The following CPQ variants were observed in gnomAD, a reference collection of about 807,000 sequenced individuals.
CPQ encodes the protein Ser-Met dipeptidase.
Under a neutral mutation model 45.7 loss-of-function variants are expected in CPQ, and 37 were observed. The observed-to-expected ratio is 0.81, with a 90% CI of 0.62 to 1.07. CPQ has a LOEUF of 1.07. Ranked by LOEUF, CPQ falls within the 50% of genes least tolerant of loss-of-function variation. The pLI is 0.00. For synonymous variants in CPQ, 186 were observed against 205.8 expected (o/e 0.90, Z 0.82); for missense variants, 537 against 572.9 (o/e 0.94, Z 0.64).
chr8:96,852,093 A>G (rs903201111), intron 3 of CPQ, among the ~76,000 whole-genome samples: 3 of 152,176 alleles, frequency 2.0e-5, no homozygotes, highest in African/African-American at 7.2e-5. Flanking sequence ...TTTTGCCCAT[A>G]TTGGCAGCTT....
chr8:96,741,532 G>A (rs1451296116), intron 1 of CPQ, among the ~76,000 whole-genome samples: 2 of 152,034 alleles, frequency 1.3e-5, no homozygotes, highest in Non-Finnish European at 2.9e-5. Context: ...GAATGTGTTT[G>A]TTGTTGCTTT....
intron 3 of CPQ, among the ~76,000 whole-genome samples, chr8:96,865,262 T>A (rs897264368): frequency 3.3e-5 from 5 of 152,026 alleles, no homozygotes; most frequent in African/African-American, 1.2e-4. Flanking sequence ...CAGAGCTCTA[T>A]CCAGTTTGAA....
intron 1 of CPQ, among the ~76,000 whole-genome samples, chr8:96,776,393 T>C (rs1484655144): frequency 6.6e-6 from 1 of 152,184 alleles, no homozygotes; most frequent in Non-Finnish European, 1.5e-5. Context: ...TAAGTTTTCA[T>C]GTAAGTAGTA....
chr8:97,132,570 C>T (rs567016347), intron 7 of CPQ, among the ~76,000 whole-genome samples: 57 of 152,266 alleles, frequency 3.7e-4, no homozygotes, highest in African/African-American at 1.2e-3. Context: ...TTGTAACCTC[C>T]TTGTGTTTGT....
chr8:96,762,424 A>G (rs1336263417), intron 1 of CPQ, among the ~76,000 whole-genome samples: 1 of 152,194 alleles, frequency 6.6e-6, no homozygotes, highest in African/African-American at 2.4e-5. Flanking sequence ...AAGAAAGCAT[A>G]TATCATATTA....
At chr8:96,913,663 C>G (rs1255095988) in intron 4 of CPQ, among the ~76,000 whole-genome samples, 1 of 152,188 alleles carries the variant, frequency 6.6e-6, no homozygotes, top group Non-Finnish European at 1.5e-5. Context: ...TCCCATCTCT[C>G]AGAAAAATTG....
At chr8:96,854,557 A>AAACAAAAAAAAAAACAC (rs1554573253) in intron 3 of CPQ, among the ~76,000 whole-genome samples, 1 of 76,866 alleles carries the variant, frequency 1.3e-5, no homozygotes, top group African/African-American at 5.0e-5. Context: ...AAAAAAAAAA[A>AAACAAAAAAAAAAACAC]AATGTGGTGG....
Position 96,894,549 on chromosome 8 carries a change from G to T in CPQ, c.849+14544G>T, listed in dbSNP as rs1812419415. Among the ~76,000 whole-genome samples, 3 of 152,232 alleles carry T rather than the reference G, an allele frequency of 2.0e-5. No individual in the cohort carries two copies. In the South Asian group the frequency reaches 6.2e-4, roughly 32 times the overall value. On this transcript the variant is annotated intron_variant, in intron 4 of 7. Transcript: ENST00000220763. The stretch of plus-strand genomic sequence containing the variant: ...TATGAAACTGCACAGTACAGCACAA[G>T]ATAAAAATCACACCAAGAAATGTAA...
At chr8:96,973,774 C>T (rs1195690395) in intron 5 of CPQ, among the ~76,000 whole-genome samples, 1 of 152,156 alleles carries the variant, frequency 6.6e-6, no homozygotes, top group East Asian at 1.9e-4. Context: ...CAAAACTAAG[C>T]TTCATAAATG....
At chr8:96,707,691 G>GA (rs1809551712) in intron 1 of CPQ, among the ~76,000 whole-genome samples, 1 of 143,928 alleles carries the variant, frequency 6.9e-6, no homozygotes, top group African/African-American at 2.9e-5. Context: ...ATGAATGAAT[G>GA]ATTTTTTTTT....
chr8:96,711,084 C>T (rs1809602603), intron 1 of CPQ, among the ~76,000 whole-genome samples: 1 of 151,696 alleles, frequency 6.6e-6, no homozygotes, highest in Non-Finnish European at 1.5e-5. Flanking sequence ...CTTTTTTGCC[C>T]CCCCTTTTTT....
chr8:96,955,880 G>A (rs1212609091), intron 4 of CPQ, among the ~76,000 whole-genome samples: 1 of 152,092 alleles, frequency 6.6e-6, no homozygotes, highest in Non-Finnish European at 1.5e-5. Context: ...AATTCAAGAT[G>A]GATGAAAGAC....
At chr8:96,827,984 G>T (rs569467136) in intron 2 of CPQ, among the ~76,000 whole-genome samples, 4 of 152,162 alleles carry the variant, frequency 2.6e-5, no homozygotes, top group Admixed American at 1.3e-4. Context: ...AGTTTTGAAT[G>T]ATCTGATGAC....
chr8:96,783,530 T>C (rs1456775265), intron 1 of CPQ, among the ~76,000 whole-genome samples: 2 of 152,188 alleles, frequency 1.3e-5, no homozygotes, highest in Non-Finnish European at 2.9e-5. Context: ...GGAGCCCTCA[T>C]GTCCTGAATA....
At chr8:97,109,246 TTCCCACA>T (rs1254128204) in intron 7 of CPQ, among the ~76,000 whole-genome samples, 4 of 152,286 alleles carry the variant, frequency 2.6e-5, no homozygotes, top group South Asian at 4.1e-4. Flanking sequence ...CTCTGCTAGT[TTCCCACA>T]TTGGCAATGA....
chr8:97,063,542 G>T (rs746307187), intron 6 of CPQ, among the ~76,000 whole-genome samples: 1 of 152,068 alleles, frequency 6.6e-6, no homozygotes, highest in Non-Finnish European at 1.5e-5. Context: ...TGAAAACTTT[G>T]CTAGTTCCTA....
At chr8:96,952,841 A>C (rs910615106) in intron 4 of CPQ, among the ~76,000 whole-genome samples, 4 of 152,174 alleles carry the variant, frequency 2.6e-5, no homozygotes, top group African/African-American at 9.6e-5. Flanking sequence ...TAGAAATAAC[A>C]GTCCATCATG....
intron 4 of CPQ, among the ~76,000 whole-genome samples, chr8:96,912,801 T>C (rs1586448936): frequency 6.6e-6 from 1 of 152,192 alleles, no homozygotes; most frequent in South Asian, 2.1e-4. Context: ...CTCGGCTACA[T>C]AGAATGATTC....
chr8:96,782,118 G>C (rs1810694714), intron 1 of CPQ, among the ~76,000 whole-genome samples: 1 of 152,178 alleles, frequency 6.6e-6, no homozygotes, highest in Admixed American at 6.5e-5. Flanking sequence ...GTGTGGTTCT[G>C]CCCCTGCAGC....
Sources: allele counts gnomAD v4.1 joint callset (sites outside exome capture counted in the v4.1 genomes callset), GRCh38; gene constraint gnomAD v4.1.1; transcripts MANE v1.5; gene names NCBI Gene and HGNC (gene_info 2026-07-23, HGNC 2026-07-21).